Variants in SRGAP1 observed in about 807,000 individuals in gnomAD.
The protein encoded by SRGAP1 is SLIT-ROBO Rho GTPase-activating protein 1.
A neutral mutation model predicts 121.9 loss-of-function variants in SRGAP1; 43 were observed. The observed-to-expected ratio is 0.35, with a 90% CI of 0.28 to 0.46. The LOEUF (loss-of-function observed/expected upper bound fraction) is 0.46, where lower values mean the gene tolerates loss of function less well. Among genes scored for constraint, SRGAP1 ranks in the 20% least tolerant of loss-of-function variants. The pLI is 1.00. For missense variants in SRGAP1, 1,102 were observed against 1,350.9 expected, an observed-to-expected ratio of 0.82 and a Z score of 2.89; for synonymous variants, 447 against 485.4, an observed-to-expected ratio of 0.92 and a Z score of 1.04.
At chr12:64,130,284 A>G (rs1054065731) in intron 21 of SRGAP1, among the ~76,000 whole-genome samples, 1 of 152,100 alleles carries the variant, frequency 6.6e-6, no homozygotes, top group South Asian at 2.1e-4. Flanking sequence ...GAGGAGCCCA[A>G]AGTGTCCAGG....
chr12:63,890,342 G>A (rs1480316242), intron 1 of SRGAP1, among the ~76,000 whole-genome samples: 1 of 152,224 alleles, frequency 6.6e-6, no homozygotes, highest in African/African-American at 2.4e-5. Context: ...AGTGGAGCAT[G>A]TGAATGGATG....
At chr12:63,899,599 T>C (rs891595974) in intron 1 of SRGAP1, among the ~76,000 whole-genome samples, 2 of 152,182 alleles carry the variant, frequency 1.3e-5, no homozygotes, top group African/African-American at 4.8e-5. Flanking sequence ...GGTTAACACC[T>C]CCGCGTTTGC....
At chr12:63,948,816 T>A (rs535451874) in intron 1 of SRGAP1, among the ~76,000 whole-genome samples, 1 of 145,412 alleles carries the variant, frequency 6.9e-6, no homozygotes, top group African/African-American at 2.5e-5. Context: ...ATTCCATATA[T>A]ATGTTTTCCA....
chr12:64,125,487 G>A (rs1187067986), intron 18 of SRGAP1, among the ~76,000 whole-genome samples: 1 of 152,080 alleles, frequency 6.6e-6, no homozygotes, highest in African/African-American at 2.4e-5. Flanking sequence ...GATTTTACTT[G>A]ATTTTTTCTT....
intron 1 of SRGAP1, among the ~76,000 whole-genome samples, chr12:63,936,866 G>A (rs7961964): frequency 0.023 from 3,473 of 152,194 alleles, 115 homozygotes; most frequent in African/African-American, 0.079. Context: ...CTATACTGAT[G>A]ATGAAACTGA....
At chr12:63,930,501 A>C (rs552076071) in intron 1 of SRGAP1, among the ~76,000 whole-genome samples, 3 of 152,290 alleles carry the variant, frequency 2.0e-5, no homozygotes, top group Non-Finnish European at 4.4e-5. Context: ...GCTACACCAA[A>C]ATGCAAATTA....
chr12:64,079,616 G>A (rs917657440), intron 9 of SRGAP1, among the ~76,000 whole-genome samples: 1 of 151,954 alleles, frequency 6.6e-6, no homozygotes, highest in Non-Finnish European at 1.5e-5. Flanking sequence ...AGCCTAGGAG[G>A]CAGAGGTTGC....
intron 1 of SRGAP1, 150 bp downstream of exon 1, chr12:63,845,033 C>A: frequency 1.3e-6 from 1 of 752,422 alleles, no homozygotes; most frequent in Non-Finnish European, 2.3e-6. Context: ...TTCCTACAAG[C>A]CAGTTAGTTC....
At chr12:63,954,486 G>C (rs2032395178) in intron 1 of SRGAP1, among the ~76,000 whole-genome samples, 2 of 152,058 alleles carry the variant, frequency 1.3e-5, no homozygotes. Context: ...AGACCATCCT[G>C]GCTAACATGG....
At chr12:63,975,197 T>C (rs1220386542) in intron 1 of SRGAP1, among the ~76,000 whole-genome samples, 1 of 152,178 alleles carries the variant, frequency 6.6e-6, no homozygotes, top group Non-Finnish European at 1.5e-5. Flanking sequence ...AAACATGAGC[T>C]CCAAAGAAAT....
chr12:63,990,576 TA>T (rs1171746270), intron 3 of SRGAP1, among the ~76,000 whole-genome samples: 1 of 152,128 alleles, frequency 6.6e-6, no homozygotes, highest in African/African-American at 2.4e-5. Flanking sequence ...ATTAATCTTT[TA>T]AAAATACAGA....
intron 1 of SRGAP1, among the ~76,000 whole-genome samples, chr12:63,869,469 G>GTT (rs927089106): frequency 5.3e-5 from 8 of 151,212 alleles, no homozygotes; most frequent in Non-Finnish European, 1.2e-4. Context: ...TGGTATGTAT[G>GTT]TGTGTGTGTG....
At chr12:64,057,282 AAAC>A (rs2035361453) in intron 6 of SRGAP1, among the ~76,000 whole-genome samples, 2 of 152,150 alleles carry the variant, frequency 1.3e-5, no homozygotes, top group Middle Eastern at 3.2e-3. Context: ...ACAGTTCTTA[AAAC>A]AACAAGAAGA....
At chr12:64,106,402 T>G (rs973241525) in intron 15 of SRGAP1, among the ~76,000 whole-genome samples, 4 of 152,218 alleles carry the variant, frequency 2.6e-5, no homozygotes, top group African/African-American at 9.6e-5. Flanking sequence ...CTATTTTAGG[T>G]AATAAGCATT....
chr12:63,954,177 G>A (rs1015621428), intron 1 of SRGAP1, among the ~76,000 whole-genome samples: 2 of 151,972 alleles, frequency 1.3e-5, no homozygotes, highest in African/African-American at 4.8e-5. Context: ...TTTTTCCTCT[G>A]CCTAGGAGAA....
intron 1 of SRGAP1, among the ~76,000 whole-genome samples, chr12:63,882,476 G>A (rs1321440607): frequency 6.6e-6 from 1 of 152,098 alleles, no homozygotes; most frequent in Admixed American, 6.6e-5. Flanking sequence ...AGAGACGGGG[G>A]TTTCAGCATG....
intron 18 of SRGAP1, among the ~76,000 whole-genome samples, chr12:64,123,985 A>G (rs2036648400): frequency 6.6e-6 from 1 of 152,040 alleles, no homozygotes; most frequent in Non-Finnish European, 1.5e-5. Context: ...CCATGGCTGG[A>G]GGATTGCTAT....
intron 1 of SRGAP1, among the ~76,000 whole-genome samples, chr12:63,900,854 A>G (rs1246620237): frequency 1.3e-5 from 2 of 152,174 alleles, no homozygotes; most frequent in South Asian, 2.1e-4. Flanking sequence ...AGGGTTTTGT[A>G]CTATCAAACC....
At chr12:64,062,484 G>A (rs1241458787) in intron 6 of SRGAP1, among the ~76,000 whole-genome samples, 1 of 151,734 alleles carries the variant, frequency 6.6e-6, no homozygotes, top group African/African-American at 2.4e-5. Context: ...CCCATTCTGT[G>A]GGTTCTCTTT....
Sources: allele counts gnomAD v4.1 joint callset (sites outside exome capture counted in the v4.1 genomes callset), GRCh38; gene constraint gnomAD v4.1.1; transcripts MANE v1.5; gene names NCBI Gene and HGNC (gene_info 2026-07-23, HGNC 2026-07-21).